Variants in ACSS3 observed in about 807,000 individuals in gnomAD.
ACSS3 encodes the protein acyl-CoA synthetase short-chain family member 3, mitochondrial.
ACSS3 carries 64 observed loss-of-function variants against 84.2 expected under a neutral mutation model. The observed-to-expected ratio is 0.76, with a 90% CI of 0.62 to 0.94. ACSS3 has a LOEUF of 0.94. Among genes scored for constraint, ACSS3 ranks in the 40% least tolerant of loss-of-function variants. The probability of loss-of-function intolerance (pLI) is 0.00; values close to 1 mark genes in which losing one functional copy is unlikely to be tolerated. For synonymous variants in ACSS3, 317 were observed against 310.1 expected (o/e 1.02, Z -0.23); for missense variants, 815 against 867.6 (o/e 0.94, Z 0.76).
At chr12:81,143,044 C>G in intron 4 of ACSS3, 63 bp from the exon 5 acceptor site, 2 of 1,413,126 alleles carry the variant, frequency 1.4e-6, no homozygotes, top group South Asian at 3.4e-5. Flanking sequence ...GATTTAGCTA[C>G]TTTTTGTTCT....
chr12:81,254,258 G>A (rs1283311624), intron 15 of ACSS3, among the ~76,000 whole-genome samples: 2 of 152,046 alleles, frequency 1.3e-5, no homozygotes, highest in Non-Finnish European at 2.9e-5. Flanking sequence ...GTAATTGTCA[G>A]TTAAATTCAA....
At chr12:81,113,722 C>T (rs10862243) in intron 2 of ACSS3, among the ~76,000 whole-genome samples, 134,893 of 152,098 alleles carry the variant, frequency 0.89, 60,890 homozygotes, top group Middle Eastern at 0.98. Context: ...AGTAATGGAA[C>T]TGGATTATCT....
chr12:81,186,763 T>A (rs529986338), intron 8 of ACSS3, among the ~76,000 whole-genome samples: 1 of 152,020 alleles, frequency 6.6e-6, no homozygotes, highest in East Asian at 1.9e-4. Flanking sequence ...TTCTTGAGAA[T>A]GTAGATTGTT....
At chr12:81,236,698 C>A (rs532910053) in intron 13 of ACSS3, among the ~76,000 whole-genome samples, 1 of 151,294 alleles carries the variant, frequency 6.6e-6, no homozygotes, top group Non-Finnish European at 1.5e-5. Context: ...CTTTTTCATT[C>A]TCTTATTTCA....
intron 2 of ACSS3, among the ~76,000 whole-genome samples, chr12:81,133,136 T>A (rs1885611576): frequency 6.6e-6 from 1 of 151,880 alleles, no homozygotes; most frequent in Admixed American, 6.6e-5. Flanking sequence ...TTTCTTTCTG[T>A]CTTTCACCAG....
chr12:81,115,521 A>C (rs1883965841), intron 2 of ACSS3, among the ~76,000 whole-genome samples: 2 of 152,018 alleles, frequency 1.3e-5, no homozygotes, highest in African/African-American at 4.8e-5. Flanking sequence ...GGCTGGTCTC[A>C]AACTCCTGGG....
At chr12:81,131,550 A>T (rs548095706) in intron 2 of ACSS3, among the ~76,000 whole-genome samples, 8 of 152,300 alleles carry the variant, frequency 5.3e-5, no homozygotes, top group Non-Finnish European at 1.2e-4. Flanking sequence ...GGTTTTCTGA[A>T]TATGCAATCA....
At chr12:81,194,204 T>A (rs1232509118) in intron 8 of ACSS3, among the ~76,000 whole-genome samples, 2 of 151,754 alleles carry the variant, frequency 1.3e-5, no homozygotes, top group African/African-American at 4.8e-5. Flanking sequence ...AAAGGGCAAA[T>A]CACTTAGTGT....
rs760795713 is a variant in ACSS3, at chr12:81,171,169, G to A, written c.1099-3619G>A. Among the ~76,000 whole-genome samples, 10 of 152,072 alleles carry A rather than the reference G, an allele frequency of 6.6e-5. No homozygotes were observed. The South Asian group carries it at 1.2e-3, about 19-fold the overall frequency. ...CCTTATCCGGCTTATTCACAAAATC[G>A]TTCCCAGAATATTTATTAAATAAAT... On this transcript the variant is annotated intron_variant, in intron 7 of 15. Transcript: ENST00000548058.
intron 4 of ACSS3, among the ~76,000 whole-genome samples, chr12:81,141,997 ATAT>A (rs1886117203): frequency 1.3e-5 from 2 of 152,300 alleles, no homozygotes; most frequent in East Asian, 1.9e-4. Context: ...CATATTTGTG[ATAT>A]TATATTGAAG....
chr12:81,207,197 A>G (rs1392092884), intron 9 of ACSS3, among the ~76,000 whole-genome samples: 3 of 152,152 alleles, frequency 2.0e-5, no homozygotes, highest in Admixed American at 2.0e-4. Context: ...GATCTTCACA[A>G]GAGCAAGAGT....
intron 7 of ACSS3, among the ~76,000 whole-genome samples, chr12:81,169,342 G>A: frequency 6.6e-6 from 1 of 152,124 alleles, no homozygotes; most frequent in East Asian, 1.9e-4. Flanking sequence ...AGGATCTTAA[G>A]GCATAGGACA....
chr12:81,097,213 T>C (rs929127542), intron 1 of ACSS3, among the ~76,000 whole-genome samples: 2 of 151,888 alleles, frequency 1.3e-5, no homozygotes, highest in African/African-American at 4.8e-5. Context: ...GAGAAGGGAG[T>C]GGGAATGCTT....
chr12:81,208,248 T>C (rs1488750112), intron 9 of ACSS3, among the ~76,000 whole-genome samples: 1 of 152,270 alleles, frequency 6.6e-6, no homozygotes, highest in East Asian at 1.9e-4. Context: ...ACTCGCAGCA[T>C]GGACTACCGA....
intron 9 of ACSS3, among the ~76,000 whole-genome samples, chr12:81,213,901 T>TCCTTCCTCCC (rs1565724047): frequency 1.4e-5 from 1 of 72,448 alleles, no homozygotes; most frequent in Non-Finnish European, 2.7e-5. Flanking sequence ...TTCTTTCTTT[T>TCCTTCCTCCC]GTCCTTCCTT....
rs1316802712 is a variant in ACSS3 at position 81,257,774 on chromosome 12, A to T, written c.*2852A>T. ...CGTGTTGAGACTCTGAGCTTAATCC[A>T]TTAAATGGATTTTAGAATCTAGTAG... On this transcript the variant is annotated 3_prime_UTR_variant, in exon 16 of 16. Transcript: ENST00000548058. The T allele has an allele frequency of 1.3e-5, 2 of 152,126 alleles. No individual in the cohort carries two copies. Among genetic ancestry groups the T allele is most frequent in the Non-Finnish European group, 2.9e-5 (2 of 67,998 alleles). The allele number at this position is 152,126 out of a possible 1,614,324, so 9.4% of individuals were successfully genotyped here. A position where few individuals can be genotyped will look rare whatever the true frequency, so the allele number is the denominator to read the frequency against.
At chr12:81,162,118 T>C (rs1887182853) in intron 7 of ACSS3, among the ~76,000 whole-genome samples, 1 of 152,106 alleles carries the variant, frequency 6.6e-6, no homozygotes, top group South Asian at 2.1e-4. Flanking sequence ...AGTTCAGCCA[T>C]TTGGTGAATC....
intron 8 of ACSS3, among the ~76,000 whole-genome samples, chr12:81,176,968 A>G (rs2030530490): frequency 6.6e-6 from 1 of 152,210 alleles, no homozygotes; most frequent in South Asian, 2.1e-4. Context: ...CTAATCCACC[A>G]TGATCAAGTA....
chr12:81,226,990 C>CAT lies in ACSS3; in HGVS notation c.1515-4057_1515-4056dup, dbSNP rs1491018997. Among the ~76,000 whole-genome samples the CAT allele has an allele frequency of 7.5e-3, 838 of 111,778 alleles. 7 individuals are homozygous for CAT. The highest frequency in any genetic ancestry group is 0.018 in the African/African-American group (583 of 33,192). 73.3% of individuals were successfully genotyped at this position (111,778 alleles called of 152,430 possible). ...ACACACACACACACACACACACACA[C>CAT]ATATATATATACATACACACATATC... On this transcript the variant is annotated intron_variant, in intron 11 of 15. Transcript: ENST00000548058.
Sources: allele counts gnomAD v4.1 joint callset (sites outside exome capture counted in the v4.1 genomes callset), GRCh38; gene constraint gnomAD v4.1.1; transcripts MANE v1.5; gene names NCBI Gene and HGNC (gene_info 2026-07-23, HGNC 2026-07-21).